MTHFS: variants seen among roughly 807,000 people sequenced by gnomAD.
The protein encoded by MTHFS is methenyltetrahydrofolate synthetase.
In MTHFS, 7 loss-of-function variants were observed where a neutral mutation model predicts 12.7. That is an observed-to-expected ratio of 0.55 (90% CI 0.31 to 1.03). The LOEUF (loss-of-function observed/expected upper bound fraction) is 1.03, where lower values mean the gene tolerates loss of function less well. MTHFS is among the 50% of genes least tolerant of loss of function. The pLI is 0.05. For synonymous variants in MTHFS, 100 were observed against 97.1 expected (o/e 1.03, Z -0.18); for missense variants, 252 against 258.1 (o/e 0.98, Z 0.16).
intron 1 of MTHFS, among the ~76,000 whole-genome samples, chr15:79,894,712 T>G (rs940418426): frequency 6.6e-6 from 1 of 152,208 alleles, no homozygotes; most frequent in Non-Finnish European, 1.5e-5. Context: ...ACCTTCTTTA[T>G]GCCTAAGGCT....
At chr15:79,892,912 C>T (rs1166291905) in intron 1 of MTHFS, among the ~76,000 whole-genome samples, 3 of 152,032 alleles carry the variant, frequency 2.0e-5, no homozygotes. Flanking sequence ...GATTGGGCCA[C>T]TGCACTCCAG....
intron 2 of MTHFS, among the ~76,000 whole-genome samples, chr15:79,852,258 A>G (rs532930009): frequency 6.6e-6 from 1 of 152,274 alleles, no homozygotes; most frequent in South Asian, 2.1e-4. Context: ...CTGAAGCACA[A>G]CCTCCTTGAA....
In MTHFS at chr15:79,845,376, C is replaced by A. The variant is rs762045886; in HGVS notation, c.446G>T (p.Gly149Val). 2 of 1,614,186 alleles carry A rather than the reference C, an allele frequency of 1.2e-6. No individual in the cohort carries two copies. Among genetic ancestry groups the A allele is most frequent in the East Asian group, 2.2e-5 (1 of 44,888 alleles). The change falls in exon 3 of 3, where the codon GGC becomes GTC. Residue 149 changes from glycine to valine, a missense_variant. Gly to Val is a moderately radical substitution (Grantham distance 109). Coordinates refer to ENST00000258874, the MANE Select transcript of MTHFS (RefSeq NM_006441.4). ...CAGATAGGCATCATAGTAGCCCTTG[C>A]CCCTCCCCAGTCGGTTGCCATGTTT... Reference protein sequence around the residue: ...FDKHGNRLGRGKGYYDAYLKR... With the variant: ...FDKHGNRLGRVKGYYDAYLKR...
chr15:79,875,542 T>C (rs1162087483), intron 2 of MTHFS, among the ~76,000 whole-genome samples: 2 of 152,134 alleles, frequency 1.3e-5, no homozygotes, highest in Non-Finnish European at 2.9e-5. Context: ...AAGAATAAGT[T>C]GGCCCCAACT....
At chr15:79,852,940 G>T (rs2033741517) in intron 2 of MTHFS, among the ~76,000 whole-genome samples, 2 of 152,294 alleles carry the variant, frequency 1.3e-5, no homozygotes, top group South Asian at 4.1e-4. Flanking sequence ...AGCTGAAAAA[G>T]CTAATAAGAA....
chr15:79,881,776 A>T lies in MTHFS; in HGVS notation c.379+7317T>A, dbSNP rs561471173. ...GGTAGTAAAGCAATATTAATGAATG[A>T]AGTGTGAAGAAAAATGGCACTTCAA... On this transcript the variant is annotated intron_variant, in intron 2 of 2. Coordinates refer to ENST00000258874, the MANE Select transcript of MTHFS (RefSeq NM_006441.4). 2.0e-5 allele frequency among the ~76,000 whole-genome samples: 3 copies of T among 152,294 alleles called. No homozygotes were observed. The East Asian group carries it at 5.8e-4, about 29-fold the overall frequency.
At chr15:79,889,636 G>A (rs541612251) in intron 1 of MTHFS, among the ~76,000 whole-genome samples, 26 of 152,232 alleles carry the variant, frequency 1.7e-4, no homozygotes, top group African/African-American at 6.0e-4. Context: ...GAGACAAGCT[G>A]TCTATCCAGA....
chr15:79,850,158 G>T (rs2141341119), intron 2 of MTHFS, among the ~76,000 whole-genome samples: 1 of 152,314 alleles, frequency 6.6e-6, no homozygotes, highest in South Asian at 2.1e-4. Flanking sequence ...GTATTTATTA[G>T]GATACCTTTC....
intron 2 of MTHFS, among the ~76,000 whole-genome samples, chr15:79,865,942 C>T (rs1480053594): frequency 6.6e-6 from 1 of 152,204 alleles, no homozygotes; most frequent in Non-Finnish European, 1.5e-5. Flanking sequence ...ACCAACCACA[C>T]AATCTCTAAC....
At chr15:79,867,500 G>A (rs2034033277) in intron 2 of MTHFS, among the ~76,000 whole-genome samples, 1 of 150,228 alleles carries the variant, frequency 6.7e-6, no homozygotes, top group African/African-American at 2.5e-5. Flanking sequence ...CTGTAATCCA[G>A]CTAAATCTTT....
intron 2 of MTHFS, among the ~76,000 whole-genome samples, chr15:79,860,279 C>T (rs549909059): frequency 2.3e-4 from 35 of 151,814 alleles, no homozygotes; most frequent in Non-Finnish European, 3.2e-4. Context: ...GTCTCAGCTA[C>T]TCGGGAGGCT....
chr15:79,859,454 C>A (rs1305123753), intron 2 of MTHFS, among the ~76,000 whole-genome samples: 1 of 152,136 alleles, frequency 6.6e-6, no homozygotes, highest in Admixed American at 6.5e-5. Context: ...GAATTTTGTT[C>A]ATGAAAAGGT....
In MTHFS at chr15:79,888,315, C is replaced by A. The variant is rs558171793; in HGVS notation, c.379+778G>T. On this transcript the variant is annotated intron_variant, in intron 2 of 2. Coordinates refer to ENST00000258874, the MANE Select transcript of MTHFS (RefSeq NM_006441.4). ...ATGTGAAAATAGAAAGATAGCAGGG[C>A]CAAGATTAGGAAGAACCTCGTTAAG... is the stretch of plus-strand genomic sequence containing the variant. Among the ~76,000 whole-genome samples the A allele has an allele frequency of 5.3e-4, 81 of 152,134 alleles. No homozygotes were observed. The East Asian group carries it at 0.01, about 19-fold the overall frequency.
At chr15:79,852,935 A>G (rs1331645062) in intron 2 of MTHFS, among the ~76,000 whole-genome samples, 1 of 152,240 alleles carries the variant, frequency 6.6e-6, no homozygotes, top group East Asian at 1.9e-4. Flanking sequence ...AGTAAAGCTG[A>G]AAAAGCTAAT....
intron 2 of MTHFS, among the ~76,000 whole-genome samples, chr15:79,865,483 A>G (rs1406467291): frequency 6.6e-6 from 1 of 152,228 alleles, no homozygotes; most frequent in African/African-American, 2.4e-5. Context: ...CCGGAAGGAA[A>G]CCAGTGTGGA....
intron 2 of MTHFS, among the ~76,000 whole-genome samples, chr15:79,883,577 T>TAC (rs1249732719): frequency 6.6e-6 from 1 of 152,230 alleles, no homozygotes; most frequent in Non-Finnish European, 1.5e-5. Flanking sequence ...AAAGGACTAG[T>TAC]ACATTGTAGG....
chr15:79,864,547 C>CAAAAAAAAAAAAAAAAAAAA (rs58698908), intron 2 of MTHFS, among the ~76,000 whole-genome samples: 1 of 64,538 alleles, frequency 1.5e-5, no homozygotes, highest in African/African-American at 7.5e-5. Context: ...TCCATCTCAA[C>CAAAAAAAAAAAAAAAAAAAA]AAAAAAAAAA....
At chr15:79,854,438 G>A (rs1393835148) in intron 2 of MTHFS, among the ~76,000 whole-genome samples, 1 of 152,166 alleles carries the variant, frequency 6.6e-6, no homozygotes, top group South Asian at 2.1e-4. Flanking sequence ...TGCAGCCTCT[G>A]GTCTTCATTG....
At chr15:79,857,537 G>A (rs964695934) in intron 2 of MTHFS, among the ~76,000 whole-genome samples, 4 of 152,150 alleles carry the variant, frequency 2.6e-5, no homozygotes, top group African/African-American at 9.7e-5. Flanking sequence ...GCTAATATGA[G>A]CCTTGTGCCA....
Sources: allele counts gnomAD v4.1 joint callset (sites outside exome capture counted in the v4.1 genomes callset), GRCh38; gene constraint gnomAD v4.1.1; transcripts MANE v1.5; gene names NCBI Gene and HGNC (gene_info 2026-07-23, HGNC 2026-07-21).